Variants in COL23A1 observed in about 807,000 individuals in gnomAD.
COL23A1 encodes collagen alpha-1(XXIII) chain.
In COL23A1, 97 loss-of-function variants were observed where a neutral mutation model predicts 99.3. The observed-to-expected ratio is 0.98, with a 90% confidence interval of 0.83 to 1.16. The LOEUF (loss-of-function observed/expected upper bound fraction) is 1.16. Ranked by LOEUF, COL23A1 falls within the 50% of genes most tolerant of loss-of-function variation. COL23A1 has a pLI of 0.00. For synonymous variants in COL23A1, 320 were observed against 308.2 expected (o/e 1.04, Z -0.40); for missense variants, 762 against 757.4 (o/e 1.01, Z -0.07).
intron 2 of COL23A1, among the ~76,000 whole-genome samples, chr5:178,386,588 G>T (rs1763687044): frequency 6.6e-6 from 1 of 152,174 alleles, no homozygotes; most frequent in Non-Finnish European, 1.5e-5. Flanking sequence ...CACCAGAGGG[G>T]GGTCGGGGTG....
chr5:178,329,451 C>A (rs1242832118), intron 2 of COL23A1, among the ~76,000 whole-genome samples: 2 of 152,128 alleles, frequency 1.3e-5, no homozygotes, highest in African/African-American at 4.8e-5. Flanking sequence ...GGCAGATAGT[C>A]CACAGACCCC....
chr5:178,554,516 A>T (rs1762166820), intron 2 of COL23A1, among the ~76,000 whole-genome samples: 1 of 152,152 alleles, frequency 6.6e-6, no homozygotes, highest in South Asian at 2.1e-4. Context: ...CCCTTTGGTT[A>T]CACCTTTGCA....
At chr5:178,300,734 TA>T (rs910178284) in intron 3 of COL23A1, among the ~76,000 whole-genome samples, 34 of 151,402 alleles carry the variant, frequency 2.2e-4, no homozygotes, top group African/African-American at 7.8e-4. Context: ...TTTATTTATT[TA>T]TTTTTTTTAG....
At chr5:178,566,113 G>GCAAGACTCCATCC (rs1470609745) in intron 1 of COL23A1, among the ~76,000 whole-genome samples, 9 of 152,004 alleles carry the variant, frequency 5.9e-5, no homozygotes, top group African/African-American at 2.2e-4. Flanking sequence ...GGCAACAAGA[G>GCAAGACTCCATCC]CAAGACTCCA....
chr5:178,402,886 A>C (rs1281599707), intron 2 of COL23A1, among the ~76,000 whole-genome samples: 1 of 151,634 alleles, frequency 6.6e-6, no homozygotes, highest in African/African-American at 2.4e-5. Flanking sequence ...CCAAAAAAGG[A>C]GAAATGTTCC....
intron 1 of COL23A1, among the ~76,000 whole-genome samples, chr5:178,573,126 G>A (rs1052488631): frequency 6.6e-6 from 1 of 152,332 alleles, no homozygotes; most frequent in East Asian, 1.9e-4. Flanking sequence ...CTAGACTGTG[G>A]AGAGGGTTTC....
chr5:178,347,683 C>T lies in COL23A1; in HGVS notation c.362-40764G>A, dbSNP rs61078117. On this transcript the variant is annotated intron_variant, in intron 2 of 28. Transcript: ENST00000390654. ...GGATCATGAGGTCAAGAGATCGAGA[C>T]CATCCTGGCCAACATGGTGAAACCC... 9.5e-3 allele frequency among the ~76,000 whole-genome samples: 1,436 copies of T among 151,816 alleles called. 16 individuals are homozygous for T. Among genetic ancestry groups the T allele is most frequent in the African/African-American group, 0.033 (1,367 of 41,454 alleles).
rs1488978831 is a variant in COL23A1, at chr5:178,384,638, G to T, written c.362-77719C>A. On this transcript the variant is annotated intron_variant, in intron 2 of 28. Transcript: ENST00000390654. This position sits in a 1 kb window ranked among gnomAD's most constrained non-coding sequence, Gnocchi z 5.5. ...GACATGGGAAACCAAGGCTCAGAGG[G>T]GGCAGGGCCGGGACTTGGACTCAGA... Among the ~76,000 whole-genome samples the T allele has an allele frequency of 6.6e-6, 1 of 152,164 alleles. No individual in the cohort carries two copies. The highest frequency in any genetic ancestry group is 6.5e-5 in the Admixed American group (1 of 15,282).
At chr5:178,286,987 T>TTAG (rs1328681099) in intron 5 of COL23A1, among the ~76,000 whole-genome samples, 2 of 152,232 alleles carry the variant, frequency 1.3e-5, no homozygotes, top group African/African-American at 4.8e-5. Flanking sequence ...AGTGGTTCTG[T>TTAG]TAGTCTCCGG....
chr5:178,462,512 CATT>C (rs1756176411), intron 2 of COL23A1, among the ~76,000 whole-genome samples: 2 of 152,300 alleles, frequency 1.3e-5, no homozygotes, highest in African/African-American at 2.4e-5. Context: ...TTTAACAAAA[CATT>C]ATGTTAAGAG....
chr5:178,448,710 C>G (rs1767309681), intron 2 of COL23A1, among the ~76,000 whole-genome samples: 1 of 152,098 alleles, frequency 6.6e-6, no homozygotes. Context: ...CCCCAAGACC[C>G]AAATACGTCC....
intron 2 of COL23A1, among the ~76,000 whole-genome samples, chr5:178,523,165 T>TAC (rs1392626712): frequency 4.2e-5 from 4 of 95,352 alleles, no homozygotes; most frequent in African/African-American, 1.6e-4. Flanking sequence ...TATATATACA[T>TAC]ATATATATAT....
Position 178,248,176 on chromosome 5 carries a change from C to T in COL23A1, c.1212+16G>A. 2 of 1,557,568 alleles carry T rather than the reference C, an allele frequency of 1.3e-6. No individual in the cohort carries two copies. The highest frequency in any genetic ancestry group is 4.5e-5 in the East Asian group (2 of 44,490). ...TGGGTGTTGGGGGAAGCCCTGACCC[C>T]CCCATACCCCCTTACCAGGCTCTCC... On this transcript the variant is annotated intron_variant, in intron 20 of 28. Transcript: ENST00000390654.
chr5:178,544,397 G>A lies in COL23A1; in HGVS notation c.361+16285C>T, dbSNP rs1482201025. On this transcript the variant is annotated intron_variant, in intron 2 of 28. Coordinates refer to ENST00000390654, the MANE Select transcript of COL23A1 (RefSeq NM_173465.4). The surrounding 1 kb of genome is among the most constrained non-coding windows in gnomAD (Gnocchi z 4.4). ...ACGCAGGCGCAGGGCCGGGGAGCTGGGAGGCACCACTTTGCCCTCCTGAAA... is the reference window on the plus strand; with the variant it reads ...ACGCAGGCGCAGGGCCGGGGAGCTGAGAGGCACCACTTTGCCCTCCTGAAA... 6.6e-6 allele frequency among the ~76,000 whole-genome samples: 1 copy of A among 152,206 alleles called. No individual in the cohort carries two copies. The highest frequency in any genetic ancestry group is 1.5e-5 in the Non-Finnish European group (1 of 68,034).
rs752688133 is a variant in COL23A1, at chr5:178,310,266, C to T, written c.362-3347G>A. 1.4e-5 allele frequency among the ~76,000 whole-genome samples: 2 copies of T among 144,858 alleles called. No homozygotes were observed. The highest frequency in any genetic ancestry group is 6.6e-5 in the Admixed American group (1 of 15,082). On this transcript the variant is annotated intron_variant, in intron 2 of 28. Coordinates refer to ENST00000390654, the MANE Select transcript of COL23A1 (RefSeq NM_173465.4). This position sits in a 1 kb window ranked among gnomAD's most constrained non-coding sequence, Gnocchi z 4.3. ...GGCTTGGAGACTGGATTGCAGGAGC[C>T]GCAGGAGTGGGGGCAGGACGGACGG...
At chr5:178,567,917 A>G (rs508246) in intron 1 of COL23A1, among the ~76,000 whole-genome samples, 38,765 of 152,204 alleles carry the variant, frequency 0.25, 5,080 homozygotes, top group East Asian at 0.31. Context: ...CTCTTCCCGG[A>G]GGTGAAGCTA....
In COL23A1 at chr5:178,347,080, A is replaced by T. The variant is rs116284919; in HGVS notation, c.362-40161T>A. Reference sequence around the variant, plus strand: ...CAGCAGGGTCTGGTGGCCCTGCTTGAGGCCGCCTCCCCCTCCCTCCCTGTC... The same window carrying T: ...CAGCAGGGTCTGGTGGCCCTGCTTGTGGCCGCCTCCCCCTCCCTCCCTGTC... On this transcript the variant is annotated intron_variant, in intron 2 of 28. Coordinates refer to ENST00000390654, the MANE Select transcript of COL23A1 (RefSeq NM_173465.4). Among the ~76,000 whole-genome samples the T allele has an allele frequency of 9.1e-3, 1,388 of 152,104 alleles. 15 individuals are homozygous for T. The highest frequency in any genetic ancestry group is 0.032 in the African/African-American group (1,308 of 41,412).
chr5:178,284,232 TTAAACTC>T (rs775065421), intron 5 of COL23A1, among the ~76,000 whole-genome samples: 5 of 152,202 alleles, frequency 3.3e-5, no homozygotes, highest in Non-Finnish European at 7.3e-5. Flanking sequence ...GATTTCCTCT[TTAAACTC>T]TATGCCTGCA....
At chr5:178,362,056 G>C (rs770830139) in intron 2 of COL23A1, among the ~76,000 whole-genome samples, 2 of 152,172 alleles carry the variant, frequency 1.3e-5, no homozygotes, top group Non-Finnish European at 2.9e-5. Flanking sequence ...TGCAGATACG[G>C]GGTCATTGTT....
Sources: allele counts gnomAD v4.1 joint callset (sites outside exome capture counted in the v4.1 genomes callset), GRCh38; gene constraint gnomAD v4.1.1; non-coding constraint Gnocchi (gnomAD v3.1); transcripts MANE v1.5; gene names NCBI Gene and HGNC (gene_info 2026-07-23, HGNC 2026-07-21).